Variants in LAPTM4A observed in about 807,000 individuals in gnomAD.
The protein encoded by LAPTM4A is lysosomal protein transmembrane 4 alpha.
LAPTM4A carries 19 observed loss-of-function variants against 29.9 expected under a neutral mutation model. The observed-to-expected ratio is 0.64, with a 90% CI of 0.44 to 0.93. The LOEUF is 0.93. LAPTM4A is among the 40% of genes least tolerant of loss of function. LAPTM4A has a pLI of 0.00. For synonymous variants in LAPTM4A, 105 were observed against 102.1 expected (o/e 1.03, Z -0.17); for missense variants, 293 against 288.5 (o/e 1.02, Z -0.11).
rs371456628 is a variant in LAPTM4A, at chr2:20,051,391, C to G, written c.111+19G>C. On this transcript the variant is annotated intron_variant, in intron 1 of 6. Coordinates refer to ENST00000175091, the MANE Select transcript of LAPTM4A (RefSeq NM_014713.5). ...TCCCCAGGCCCCCCGGACATACGCG[C>G]CACGCCTGCCCGCCTTACCATGTAC... 321 of 1,555,082 alleles carry G rather than the reference C, an allele frequency of 2.1e-4. 2 individuals carry two copies. The East Asian group carries it at 3.2e-3, about 16-fold the overall frequency.
intron 4 of LAPTM4A, among the ~76,000 whole-genome samples, chr2:20,035,566 A>C (rs1256996938): frequency 1.3e-5 from 2 of 152,256 alleles, no homozygotes; most frequent in Non-Finnish European, 2.9e-5. Context: ...CAGGCAAGAC[A>C]TAAGTTTTAC....
intron 2 of LAPTM4A, among the ~76,000 whole-genome samples, chr2:20,038,425 GT>G (rs1205408504): frequency 6.6e-6 from 1 of 152,142 alleles, no homozygotes; most frequent in Non-Finnish European, 1.5e-5. Context: ...ACTCTGGACA[GT>G]TTTTTCTTTC....
intron 1 of LAPTM4A, among the ~76,000 whole-genome samples, chr2:20,050,384 T>C (rs1400844537): frequency 6.6e-6 from 1 of 152,190 alleles, no homozygotes; most frequent in Non-Finnish European, 1.5e-5. Context: ...CTTCCTCTTT[T>C]GCAGTTAAGT....
At chr2:20,033,812 A>G (rs1191823) in intron 6 of LAPTM4A, among the ~76,000 whole-genome samples, 73,038 of 152,044 alleles carry the variant, frequency 0.48, 19,119 homozygotes, top group Non-Finnish European at 0.59. Flanking sequence ...CTGGCCCTAG[A>G]TGGGCCACAT....
rs1328338572 is a variant in LAPTM4A, at chr2:20,041,015, G to A, written c.112-4C>T. ...TTGCCATCAATAGGTTTACTACCTG[G>A]AAAAGATAACATTCTATCAGTTACA... is the stretch of plus-strand genomic sequence containing the variant. On this transcript the variant is annotated splice_polypyrimidine_tract_variant and splice_region_variant and intron_variant, in intron 1 of 6. Coordinates refer to ENST00000175091, the MANE Select transcript of LAPTM4A (RefSeq NM_014713.5). 1 of 1,613,546 alleles carries A rather than the reference G, an allele frequency of 6.2e-7. No individual in the cohort carries two copies. The highest frequency in any genetic ancestry group is 1.7e-5 in the Admixed American group (1 of 59,968).
intron 1 of LAPTM4A, among the ~76,000 whole-genome samples, chr2:20,042,270 T>A (rs1213289758): frequency 1.3e-5 from 2 of 152,192 alleles, no homozygotes; most frequent in African/African-American, 4.8e-5. Flanking sequence ...CAGCCTGCAT[T>A]GGCTTTACAA....
rs544329007 is a variant in LAPTM4A, at chr2:20,037,461, A to T, written c.310-23T>A. 13 of 1,606,818 alleles carry T rather than the reference A, an allele frequency of 8.1e-6. No individual in the cohort carries two copies. The African/African-American group carries it at 1.3e-4, about 17-fold the overall frequency. Reference sequence around the variant, plus strand: ...ATACTGGAGAAAAAATAACAACCATAACATTGTATCACATATAGGAAATTA... The same window carrying T: ...ATACTGGAGAAAAAATAACAACCATTACATTGTATCACATATAGGAAATTA... On this transcript the variant is annotated intron_variant, in intron 3 of 6. Transcript: ENST00000175091.
intron 6 of LAPTM4A, 98 bp downstream of exon 6, chr2:20,034,219 T>C (rs1673634130): frequency 5.9e-6 from 5 of 851,526 alleles, no homozygotes; most frequent in Admixed American, 1.8e-5. Flanking sequence ...GCCCAAACCA[T>C]AGGTTACAGC....
rs774824776 is a variant in LAPTM4A, at chr2:20,033,294, A to T, written c.628-15T>A. On this transcript the variant is annotated splice_polypyrimidine_tract_variant and intron_variant, in intron 6 of 6. Transcript: ENST00000175091. ...GGCAAAACGTACTAAAGAGAGAAAAAAAATTGTATCAGATTTAATTCTCCT... is the reference window on the plus strand; with the variant it reads ...GGCAAAACGTACTAAAGAGAGAAAATAAATTGTATCAGATTTAATTCTCCT... 1.4e-5 allele frequency: 23 copies of T among 1,599,262 alleles called. No individual in the cohort carries two copies. The highest frequency in any genetic ancestry group is 2.0e-5 in the Non-Finnish European group (23 of 1,166,602).
chr2:20,049,055 T>C (rs967653408), intron 1 of LAPTM4A, among the ~76,000 whole-genome samples: 3 of 152,258 alleles, frequency 2.0e-5, no homozygotes, highest in Non-Finnish European at 4.4e-5. Flanking sequence ...ATATTACTGA[T>C]CACCTTCTCC....
At chr2:20,043,527 T>A (rs988913918) in intron 1 of LAPTM4A, among the ~76,000 whole-genome samples, 2 of 152,192 alleles carry the variant, frequency 1.3e-5, no homozygotes, top group Non-Finnish European at 2.9e-5. Flanking sequence ...CTATCGATAG[T>A]ATTTTAAACA....
In LAPTM4A at chr2:20,051,474, C is replaced by G; in HGVS notation, c.47G>C (p.Ser16Thr). 1 of 1,613,356 alleles carries G rather than the reference C, an allele frequency of 6.2e-7. No individual in the cohort carries two copies. Among genetic ancestry groups the G allele is most frequent in the South Asian group, 1.1e-5 (1 of 90,890 alleles). The change falls in exon 1 of 7, where the codon AGC (serine) becomes ACC (threonine). Residue 16 changes from serine (S) to threonine (T), a missense_variant. Physicochemically the swap from Ser to Thr is moderately conservative, Grantham distance 58 (BLOSUM62 1). Transcript: ENST00000175091. ...ATGGCAACAGCCGCAGCACCGGGTG[C>G]TGTAGAACCGGTCACTGCGGTTCCG... Reference protein sequence around the residue: ...FKRNRSDRFYSTRCCGCCHVR... With the variant: ...FKRNRSDRFYTTRCCGCCHVR...
At chr2:20,042,694 T>C (rs1192765775) in intron 1 of LAPTM4A, among the ~76,000 whole-genome samples, 1 of 152,330 alleles carries the variant, frequency 6.6e-6, no homozygotes, top group South Asian at 2.1e-4. Context: ...GGGTTGTAAA[T>C]CCATTTTAAA....
rs775389559 is a variant in LAPTM4A at position 20,037,364 on chromosome 2, A to G, written c.384T>C (p.Ile128=). ...FDFVLSCLVA[I]SSLTYLPRIK... ...TTCTTGGCAAATAGGTGAGAGAACTAATAGCAACCAGGCAACTGAGGACGA... is the reference window on the plus strand; with the variant it reads ...TTCTTGGCAAATAGGTGAGAGAACTGATAGCAACCAGGCAACTGAGGACGA... The change falls in exon 4 of 7, where the codon ATT becomes ATC. Residue 128 remains isoleucine, a synonymous_variant. Transcript: ENST00000175091. 1 of 1,613,434 alleles carries G rather than the reference A, an allele frequency of 6.2e-7. No homozygotes were observed. Among genetic ancestry groups the G allele is most frequent in the Admixed American group, 1.7e-5 (1 of 59,980 alleles).
Position 20,033,113 on chromosome 2 carries a change from C to T in LAPTM4A, c.*92G>A. On this transcript the variant is annotated 3_prime_UTR_variant, in exon 7 of 7. Transcript: ENST00000175091. ...AAACAAAAGACAACATATTTTATAT[C>T]AAACAAGTTTGAAGAGCCCTGAATT... 9.7e-7 allele frequency: 1 copy of T among 1,026,562 alleles called. No individual in the cohort carries two copies. Among genetic ancestry groups the T allele is most frequent in the East Asian group, 2.4e-5 (1 of 41,876 alleles). The allele number at this position is 1,026,562 out of a possible 1,614,324, so 63.6% of individuals were successfully genotyped here. A position where few individuals can be genotyped will look rare whatever the true frequency, so the allele number is the denominator to read the frequency against.
chr2:20,033,681 T>G (rs1358721777), intron 6 of LAPTM4A, among the ~76,000 whole-genome samples: 2 of 152,226 alleles, frequency 1.3e-5, no homozygotes, highest in African/African-American at 4.8e-5. Context: ...GATCCTGACT[T>G]TCATCAGAAT....
rs745804066 is a variant in LAPTM4A, at chr2:20,051,396, C to A, written c.111+14G>T. ...AGGCCCCCCGGACATACGCGCCACG[C>A]CTGCCCGCCTTACCATGTACCAGGT... On this transcript the variant is annotated intron_variant, in intron 1 of 6. Coordinates refer to ENST00000175091, the MANE Select transcript of LAPTM4A (RefSeq NM_014713.5). 6.3e-7 allele frequency: 1 copy of A among 1,576,992 alleles called. No homozygotes were observed. The highest frequency in any genetic ancestry group is 8.7e-7 in the Non-Finnish European group (1 of 1,148,132).
intron 1 of LAPTM4A, among the ~76,000 whole-genome samples, chr2:20,050,791 A>G (rs917704068): frequency 2.0e-5 from 3 of 152,192 alleles, no homozygotes; most frequent in African/African-American, 7.2e-5. Context: ...CGCAGGGAGG[A>G]GGCTGCACCA....
At chr2:20,036,923 A>G (rs961238255) in intron 4 of LAPTM4A, among the ~76,000 whole-genome samples, 4 of 152,242 alleles carry the variant, frequency 2.6e-5, no homozygotes, top group African/African-American at 9.6e-5. Flanking sequence ...ATTCACCAAC[A>G]GTGCCTAGCA....
Sources: gnomAD v4.1 joint callset for allele counts (sites outside exome capture counted in the v4.1 genomes callset) on GRCh38, gnomAD v4.1.1 for gene constraint, MANE v1.5 for transcripts, NCBI Gene and HGNC (gene_info 2026-07-23, HGNC 2026-07-21) for gene names.